The following FGL1 variants were observed in gnomAD, a reference collection of about 807,000 sequenced individuals.
The protein encoded by FGL1 is fibrinogen-like protein 1.
Under a neutral mutation model 43.7 loss-of-function variants are expected in FGL1, and 59 were observed. The ratio of observed to expected loss-of-function variants is 1.35; its 90% confidence interval spans 1.10 to 1.68. The LOEUF is 1.68. Ranked by LOEUF, FGL1 falls within the 40% of genes most tolerant of loss-of-function variation. The pLI, the probability that FGL1 is intolerant of heterozygous loss-of-function variation, is 0.00. For missense variants in FGL1, 596 were observed against 373.0 expected (o/e 1.60, Z -4.92); for synonymous variants, 192 against 126.5 (o/e 1.52, Z -3.48).
intron 3 of FGL1, among the ~76,000 whole-genome samples, chr8:17,876,602 G>T (rs748863752): frequency 6.6e-6 from 1 of 152,170 alleles, no homozygotes; most frequent in Non-Finnish European, 1.5e-5. Context: ...GTTCAATGTT[G>T]TTATAAAGTT....
At chr8:17,869,083 A>C in intron 5 of FGL1, 79 bp from the exon 6 acceptor site, 1 of 848,852 alleles carries the variant, frequency 1.2e-6, no homozygotes, top group Non-Finnish European at 1.9e-6. Flanking sequence ...AATAATTCAC[A>C]GCTCTATTTT....
In FGL1 at chr8:17,868,144, A is replaced by G. The variant is rs1394731453; in HGVS notation, c.779+404T>C. Among the ~76,000 whole-genome samples, 4 of 152,288 alleles carry G rather than the reference A, an allele frequency of 2.6e-5. No homozygotes were observed. The East Asian group carries it at 7.7e-4, about 29-fold the overall frequency. ...GCCATAGTGATTGAAAAGTAGTACT[A>G]TACAGAAGCATTACAGCAATAACGG... On this transcript the variant is annotated intron_variant, in intron 7 of 7. Transcript: ENST00000427924.
chr8:17,885,600 G>GT (rs1563460030), intron 1 of FGL1, 29 bp from the exon 2 acceptor site: 5 of 1,593,470 alleles, frequency 3.1e-6, no homozygotes, highest in Non-Finnish European at 4.3e-6. Context: ...TTTTATAAAT[G>GT]TATCAACCTT....
intron 1 of FGL1, among the ~76,000 whole-genome samples, chr8:17,890,925 G>A (rs2053695422): frequency 6.6e-6 from 1 of 152,032 alleles, no homozygotes; most frequent in African/African-American, 2.4e-5. Context: ...TAACATGTGG[G>A]ATTACGAGAA....
At position 17,895,518 on chromosome 8, in the gene FGL1, C is replaced by A. The variant is rs1315104942; in HGVS notation, c.-89G>T. 1 of 1,287,350 alleles carries A rather than the reference C, an allele frequency of 7.8e-7. No individual in the cohort carries two copies. Among genetic ancestry groups the A allele is most frequent in the South Asian group, 1.2e-5 (1 of 80,756 alleles). The allele number at this position is 1,287,350 out of a possible 1,614,324, so 79.7% of individuals were successfully genotyped here. On this transcript the variant is annotated 5_prime_UTR_variant, in exon 1 of 8. Transcript: ENST00000427924. Reference sequence around the variant, plus strand: ...CACTCTGCTTCCCAGGATCCTGTAACTGCATTGGGAATTTGTAATTATTTC... The same window carrying A: ...CACTCTGCTTCCCAGGATCCTGTAAATGCATTGGGAATTTGTAATTATTTC...
chr8:17,869,318 CAATGAAAGGGT>C (rs2053321624), intron 5 of FGL1, among the ~76,000 whole-genome samples: 1 of 152,084 alleles, frequency 6.6e-6, no homozygotes, highest in Admixed American at 6.6e-5. Flanking sequence ...AGCAATCTAA[CAATGAAAGGGT>C]CGACGTTTTA....
chr8:17,875,127 A>G (rs1249338205), intron 3 of FGL1, among the ~76,000 whole-genome samples: 4 of 152,232 alleles, frequency 2.6e-5, no homozygotes, highest in Non-Finnish European at 5.9e-5. Context: ...AGAGCATGAT[A>G]AATCATTCTG....
chr8:17,878,250 C>A (rs1486282499), intron 3 of FGL1, among the ~76,000 whole-genome samples: 38 of 152,152 alleles, frequency 2.5e-4, no homozygotes, highest in Non-Finnish European at 1.5e-5. Context: ...TGGCACCTGG[C>A]CAAAATATTT....
chr8:17,884,265 C>T (rs1255836494), intron 2 of FGL1, among the ~76,000 whole-genome samples: 1 of 151,964 alleles, frequency 6.6e-6, no homozygotes, highest in African/African-American at 2.4e-5. Flanking sequence ...GATCTCGGCT[C>T]CCTGCAACCT....
intron 2 of FGL1, 100 bp from the exon 3 acceptor site, chr8:17,882,279 A>G (rs2053549259): frequency 4.5e-6 from 5 of 1,099,730 alleles, no homozygotes; most frequent in Non-Finnish European, 6.4e-6. Context: ...TTTTGTCTCC[A>G]GTTCCCATTT....
chr8:17,882,001 G>A lies in FGL1; in HGVS notation c.242C>T (p.Ala81Val), dbSNP rs1178354996. Residue 81 changes from alanine to valine, a missense_variant and splice_region_variant, in exon 3 of 8, where the codon GCA (alanine) becomes GTA (valine). Physicochemically the swap from Ala to Val is moderately conservative, Grantham distance 64. Transcript: ENST00000427924. ...ACTTAAGAAAAGTCCATTCTGACCTGCATACTGCCTCTTGCTTCCAAGATC... is the reference window on the plus strand; with the variant it reads ...ACTTAAGAAAAGTCCATTCTGACCTACATACTGCCTCTTGCTTCCAAGATC... ...VIDLGSKRQY[A>V]DCSEIFNDGY... 1.9e-6 allele frequency: 3 copies of A among 1,613,336 alleles called. No individual in the cohort carries two copies. The highest frequency in any genetic ancestry group is 2.2e-5 in the East Asian group (1 of 44,852).
At chr8:17,865,307 G>C (rs887115136) in intron 7 of FGL1, among the ~76,000 whole-genome samples, 1 of 152,176 alleles carries the variant, frequency 6.6e-6, no homozygotes, top group Non-Finnish European at 1.5e-5. Flanking sequence ...GAGCTAAGGT[G>C]AGTGTCAGCA....
intron 1 of FGL1, among the ~76,000 whole-genome samples, chr8:17,892,441 G>C (rs1171527120): frequency 2.0e-5 from 3 of 152,064 alleles, no homozygotes; most frequent in Non-Finnish European, 4.4e-5. Context: ...ACATCATTCA[G>C]TCAAATATCA....
In FGL1 at chr8:17,873,007, C is replaced by T. The variant is rs35306946; in HGVS notation, c.502+1012G>A. Among the ~76,000 whole-genome samples, 146 of 152,216 alleles carry T rather than the reference C, an allele frequency of 9.6e-4. No homozygotes were observed. The Middle Eastern group carries it at 0.01, about 11-fold the overall frequency. ...ACAGGTGGTAGGTTGAAACTTCTTT[C>T]AAATTGGTTGCAGCTTTGAAAAAAT... On this transcript the variant is annotated intron_variant, in intron 5 of 7. Transcript: ENST00000427924.
At chr8:17,868,275 G>A (rs1585126391) in intron 7 of FGL1, 2 of 234,130 alleles carry the variant, frequency 8.5e-6, no homozygotes, top group Non-Finnish European at 8.1e-6. Context: ...TGAATTTGTG[G>A]CCTTCTATTT....
chr8:17,892,256 C>A (rs535225131), intron 1 of FGL1, among the ~76,000 whole-genome samples: 1 of 151,736 alleles, frequency 6.6e-6, no homozygotes, highest in Non-Finnish European at 1.5e-5. Context: ...CACAGACATA[C>A]AGTCATAAAG....
intron 2 of FGL1, among the ~76,000 whole-genome samples, chr8:17,884,054 T>C (rs1437971483): frequency 4.6e-5 from 7 of 150,926 alleles, no homozygotes; most frequent in African/African-American, 2.4e-5. Context: ...CTTTTTCTTT[T>C]CTTTTGTTCT....
intron 5 of FGL1, among the ~76,000 whole-genome samples, chr8:17,871,364 T>G (rs531422122): frequency 2.6e-5 from 4 of 151,304 alleles, no homozygotes; most frequent in Non-Finnish European, 5.9e-5. Context: ...TGTGGTGGTG[T>G]GCGCCTATAA....
At chr8:17,871,874 T>C (rs997819491) in intron 5 of FGL1, among the ~76,000 whole-genome samples, 1 of 152,186 alleles carries the variant, frequency 6.6e-6, no homozygotes, top group Non-Finnish European at 1.5e-5. Flanking sequence ...GCAAAGTTCC[T>C]CTGGGAAAAT....
Sources: gnomAD v4.1 joint callset for allele counts (sites outside exome capture counted in the v4.1 genomes callset) on GRCh38, gnomAD v4.1.1 for gene constraint, MANE v1.5 for transcripts, NCBI Gene and HGNC (gene_info 2026-07-23, HGNC 2026-07-21) for gene names.